The following CDKL5 variants were observed in gnomAD, a reference collection of about 807,000 sequenced individuals.
CDKL5 encodes the protein cyclin dependent kinase like 5, also known as cyclin-dependent kinase-like 5.
A neutral mutation model predicts 61.7 loss-of-function variants in CDKL5; 8 were observed. The observed-to-expected ratio is 0.13, with a 90% confidence interval of 0.08 to 0.23. The LOEUF (loss-of-function observed/expected upper bound fraction) is 0.23, where lower values mean the gene tolerates loss of function less well. CDKL5 is among the 10% of genes least tolerant of loss of function. The probability of loss-of-function intolerance (pLI) is 1.00; values close to 1 mark genes in which losing one functional copy is unlikely to be tolerated. For synonymous variants in CDKL5, 275 were observed against 272.3 expected (o/e 1.01, Z -0.10); for missense variants, 440 against 734.5 (o/e 0.60, Z 4.63).
At chrX:18,458,725 A>C (rs1432571436) in intron 1 of CDKL5, among the ~76,000 whole-genome samples, 1 of 112,089 alleles carries the variant, frequency 8.9e-6, no homozygotes, top group Non-Finnish European at 1.9e-5. Flanking sequence ...TGTCTCAAAA[A>C]AAAAAAGAAA....
intron 11 of CDKL5, among the ~76,000 whole-genome samples, chrX:18,600,412 C>G (rs2147157570): frequency 9.0e-6 from 1 of 111,647 alleles, no homozygotes; most frequent in African/African-American, 3.3e-5. Context: ...CAAATTAGTC[C>G]TGTGTCTTCT....
rs1001445085 is a variant in CDKL5 at position 18,598,578 on chromosome X, A to T, written c.942A>T (p.Lys314Asn). Residue 314 changes from lysine (K) to asparagine (N), a missense_variant, in exon 11 of 18, where the codon AAA becomes AAT. Physicochemically the swap from Lys to Asn is moderately conservative, Grantham distance 94. This residue lies in a region of CDKL5 where 363 missense variants were observed against 516.3 expected (regional missense o/e 0.70). Transcript: ENST00000623535. The part of the protein sequence containing the change: ...DRSPSRSAKR[K>N]PYHVESSTLS... ...CTCCTTCAAGGTCAGCAAAAAGAAA[A>T]CCTTACCATGTGGAAAGCAGCACAT... 1 of 1,210,774 alleles carries T rather than the reference A, an allele frequency of 8.3e-7. No individual in the cohort carries two copies. The highest frequency in any genetic ancestry group is 1.1e-6 in the Non-Finnish European group (1 of 894,634).
chrX:18,438,789 CAAAAAAA>C (rs1196032367), intron 1 of CDKL5, among the ~76,000 whole-genome samples: 1 of 29,454 alleles, frequency 3.4e-5, no homozygotes, highest in Non-Finnish European at 6.5e-5. Flanking sequence ...ACCTCCGTCT[CAAAAAAA>C]AAAAAAAAAA....
chrX:18,436,941 A>G (rs191543549), intron 1 of CDKL5, among the ~76,000 whole-genome samples: 192 of 108,141 alleles, frequency 1.8e-3, no homozygotes, highest in African/African-American at 6.1e-3. Flanking sequence ...AGAAATCTAA[A>G]ACGACCAGAA....
Position 18,632,753 on chromosome X carries a change from CA to C in CDKL5, c.*3997del. The C allele has an allele frequency of 1.3e-6, 1 of 754,232 alleles. No homozygotes were observed. The allele number at this position is 754,232 out of a possible 1,213,427, so 62.2% of individuals were successfully genotyped here. ...GTGGTTGTAGAGTTAGCCAGTTTAG[CA>C]TGTTCCTAATCTGAGAATTAGTGGA... is the stretch of plus-strand genomic sequence containing the variant. On this transcript the variant is annotated 3_prime_UTR_variant, in exon 18 of 18. Transcript: ENST00000623535.
At chrX:18,581,272 G>T (rs1375931039) in intron 6 of CDKL5, among the ~76,000 whole-genome samples, 1 of 111,689 alleles carries the variant, frequency 9.0e-6, no homozygotes, top group African/African-American at 3.2e-5. Flanking sequence ...TGCATTTTCT[G>T]TGAATTTCTA....
At chrX:18,487,586 G>A (rs1267004386) in intron 1 of CDKL5, among the ~76,000 whole-genome samples, 2 of 112,730 alleles carry the variant, frequency 1.8e-5, no homozygotes, top group Non-Finnish European at 3.8e-5. Flanking sequence ...GGCATGAGCC[G>A]CTGTGCCTGG....
chrX:18,476,796 C>T (rs991855032), intron 1 of CDKL5, among the ~76,000 whole-genome samples: 2 of 110,931 alleles, frequency 1.8e-5, no homozygotes, highest in African/African-American at 6.6e-5. Context: ...GAGACGGAGT[C>T]TCGCTCTGTC....
intron 1 of CDKL5, among the ~76,000 whole-genome samples, chrX:18,478,466 A>G (rs1393666728): frequency 9.5e-6 from 1 of 105,366 alleles, no homozygotes; most frequent in African/African-American, 3.5e-5. Context: ...AATTTTTGTA[A>G]TCTTAGTAGA....
chrX:18,489,148 C>G (rs1385977185), intron 1 of CDKL5, among the ~76,000 whole-genome samples: 1 of 109,944 alleles, frequency 9.1e-6, no homozygotes, highest in African/African-American at 3.3e-5. Context: ...AACAAAGTCT[C>G]CGCTCTGTCA....
intron 9 of CDKL5, chrX:18,588,810 A>C (rs1171170011): frequency 5.5e-5 from 6 of 109,292 alleles, no homozygotes; most frequent in Non-Finnish European, 1.1e-4. Flanking sequence ...GCTACTCGGG[A>C]GGCAGAGGCA....
At chrX:18,573,089 G>T (rs1299268170) in intron 4 of CDKL5, among the ~76,000 whole-genome samples, 1 of 110,832 alleles carries the variant, frequency 9.0e-6, no homozygotes, top group African/African-American at 3.3e-5. Flanking sequence ...TGTAGGCAGA[G>T]GGAGCAAGTC....
chrX:18,474,754 G>A (rs1430485858), intron 1 of CDKL5, among the ~76,000 whole-genome samples: 2 of 111,459 alleles, frequency 1.8e-5, no homozygotes, highest in Non-Finnish European at 3.8e-5. Context: ...AAGCAACTTA[G>A]GCAGGCAAAT....
intron 9 of CDKL5, among the ~76,000 whole-genome samples, chrX:18,592,415 A>G (rs1171786069): frequency 9.0e-6 from 1 of 111,582 alleles, no homozygotes; most frequent in Non-Finnish European, 1.9e-5. Flanking sequence ...TTTGAAATGG[A>G]TATTGAAGAA....
At position 18,434,703 on chromosome X, in the gene CDKL5, G is replaced by A. The variant is rs548353812; in HGVS notation, c.-163+9008G>A. Among the ~76,000 whole-genome samples, 42 of 111,774 alleles carry A rather than the reference G, an allele frequency of 3.8e-4. No individual in the cohort carries two copies. The South Asian group carries it at 4.9e-3, about 13-fold the overall frequency. On this transcript the variant is annotated intron_variant, in intron 1 of 17. Coordinates refer to ENST00000623535, the MANE Select transcript of CDKL5 (RefSeq NM_001323289.2). ...AGCACTTTGGGAGGCCAAGGTGGGC[G>A]GATCCCTTGAGGTCAGGAGTTCGAG... is the stretch of plus-strand genomic sequence containing the variant.
intron 15 of CDKL5, among the ~76,000 whole-genome samples, chrX:18,617,333 C>G (rs932927557): frequency 5.4e-5 from 6 of 111,763 alleles, no homozygotes; most frequent in African/African-American, 2.0e-4. Context: ...CTTCTCAAAG[C>G]TTCTGTCTCT....
At chrX:18,647,861 C>A (rs1187196567) in intron 20 of CDKL5, among the ~76,000 whole-genome samples, 1 of 107,307 alleles carries the variant, frequency 9.3e-6, no homozygotes, top group Non-Finnish European at 1.9e-5. Flanking sequence ...TGACTTCCTA[C>A]TTGTAAATTG....
Position 18,632,016 on chromosome X carries a change from C to G in CDKL5, c.*3259C>G. On this transcript the variant is annotated 3_prime_UTR_variant, in exon 18 of 18. Coordinates refer to ENST00000623535, the MANE Select transcript of CDKL5 (RefSeq NM_001323289.2). The stretch of plus-strand genomic sequence containing the variant: ...AAGTGGTTAGAGGCCACAGATGCTA[C>G]TAAACACCCTGCCATGCACAGGACA... The G allele has an allele frequency of 1.7e-6, 1 of 582,969 alleles. No individual in the cohort carries two copies. The highest frequency in any genetic ancestry group is 2.1e-6 in the Non-Finnish European group (1 of 483,239). The allele number at this position is 582,969 out of a possible 1,213,427, so 48.0% of individuals were successfully genotyped here.
chrX:18,591,430 A>G (rs1459980706), intron 9 of CDKL5, among the ~76,000 whole-genome samples: 3 of 110,478 alleles, frequency 2.7e-5, no homozygotes, highest in Non-Finnish European at 5.7e-5. Context: ...TTTTCTCTCC[A>G]TCTCTCATGC....
Sources: gnomAD v4.1 joint callset for allele counts (sites outside exome capture counted in the v4.1 genomes callset) on GRCh38, gnomAD v4.1.1 for gene constraint, gnomAD v4.1.1 regional missense constraint, MANE v1.5 for transcripts, NCBI Gene and HGNC (gene_info 2026-07-23, HGNC 2026-07-21) for gene names.